Variants in PARD3B observed in about 807,000 individuals in gnomAD.
PARD3B encodes the protein par-3 family cell polarity regulator beta, also known as partitioning defective 3 homolog B.
In PARD3B, 103 loss-of-function variants were observed where a neutral mutation model predicts 130.2. That is an observed-to-expected ratio of 0.79 (90% CI 0.67 to 0.93). PARD3B has a LOEUF of 0.93. Ranked by LOEUF, PARD3B falls within the 40% of genes least tolerant of loss-of-function variation. The pLI, the probability that PARD3B is intolerant of heterozygous loss-of-function variation, is 0.00. For synonymous variants in PARD3B, 583 were observed against 553.2 expected, an observed-to-expected ratio of 1.05 and a Z score of -0.76; for missense variants, 1,609 against 1,499.2, an observed-to-expected ratio of 1.07 and a Z score of -1.21.
intron 4 of PARD3B, among the ~76,000 whole-genome samples, chr2:205,065,842 C>T (rs1240328655): frequency 6.6e-6 from 1 of 152,126 alleles, no homozygotes; most frequent in Non-Finnish European, 1.5e-5. Flanking sequence ...ATGAACTTTG[C>T]AGCCTGCAGA....
At chr2:205,153,224 A>G (rs1454312887) in intron 10 of PARD3B, among the ~76,000 whole-genome samples, 2 of 152,190 alleles carry the variant, frequency 1.3e-5, no homozygotes, top group Non-Finnish European at 2.9e-5. Context: ...CAGTTAGGCT[A>G]CTTGGGGGTC....
chr2:204,917,621 G>A (rs1346830119), intron 2 of PARD3B, among the ~76,000 whole-genome samples: 1 of 152,070 alleles, frequency 6.6e-6, no homozygotes, highest in Non-Finnish European at 1.5e-5. Context: ...ATGTAAATTT[G>A]GGAGTTCCAT....
In PARD3B at chr2:205,592,428, C is replaced by T. The variant is rs909065322; in HGVS notation, c.3261-23028C>T. On this transcript the variant is annotated intron_variant, in intron 22 of 22. Transcript: ENST00000406610. This position sits in a 1 kb window ranked among gnomAD's most constrained non-coding sequence, Gnocchi z 4.5. Reference sequence around the variant, plus strand: ...TCTTTCCCACAACAGGAATCTCCAGCGAACATCCACTAATAAACTTTATAT... The same window carrying T: ...TCTTTCCCACAACAGGAATCTCCAGTGAACATCCACTAATAAACTTTATAT... 2.0e-5 allele frequency among the ~76,000 whole-genome samples: 3 copies of T among 152,120 alleles called. No homozygotes were observed. Among genetic ancestry groups the T allele is most frequent in the Admixed American group, 6.5e-5 (1 of 15,272 alleles).
chr2:204,746,766 G>A (rs1229154187), intron 2 of PARD3B, among the ~76,000 whole-genome samples: 1 of 152,176 alleles, frequency 6.6e-6, no homozygotes, highest in Admixed American at 6.5e-5. Context: ...TCTGTTGGCT[G>A]CATAAATGTC....
At chr2:205,546,372 G>A (rs2052380324) in intron 21 of PARD3B, among the ~76,000 whole-genome samples, 1 of 151,756 alleles carries the variant, frequency 6.6e-6, no homozygotes, top group Non-Finnish European at 1.5e-5. Flanking sequence ...AGTCAAGATT[G>A]TTTCTGTCAG....
chr2:205,519,296 T>G (rs1304523404), intron 21 of PARD3B, among the ~76,000 whole-genome samples: 1 of 152,226 alleles, frequency 6.6e-6, no homozygotes, highest in African/African-American at 2.4e-5. Context: ...TTTCTCTACT[T>G]TTGTCTGACT....
intron 1 of PARD3B, among the ~76,000 whole-genome samples, chr2:204,679,965 C>T (rs1454329297): frequency 1.3e-5 from 2 of 151,746 alleles, no homozygotes; most frequent in African/African-American, 4.8e-5. Context: ...AGATTTTTAC[C>T]TACATATGTA....
intron 3 of PARD3B, among the ~76,000 whole-genome samples, chr2:204,977,601 A>G (rs1692284727): frequency 6.6e-6 from 1 of 152,178 alleles, no homozygotes; most frequent in Middle Eastern, 3.4e-3. Context: ...CGAGGTCAGG[A>G]GATCGAGACC....
At chr2:204,747,310 A>G (rs866972176) in intron 2 of PARD3B, among the ~76,000 whole-genome samples, 2 of 152,174 alleles carry the variant, frequency 1.3e-5, no homozygotes, top group South Asian at 4.1e-4. Flanking sequence ...GAGCCAAATC[A>G]TGAGTGAACT....
intron 16 of PARD3B, among the ~76,000 whole-genome samples, chr2:205,296,183 A>G (rs899479073): frequency 6.6e-6 from 1 of 152,210 alleles, no homozygotes; most frequent in African/African-American, 2.4e-5. Context: ...CTTATCCTCA[A>G]TATGATAGCT....
At chr2:204,626,398 G>A (rs762105982) in intron 1 of PARD3B, among the ~76,000 whole-genome samples, 2 of 152,078 alleles carry the variant, frequency 1.3e-5, no homozygotes, top group Non-Finnish European at 2.9e-5. Context: ...AAGCAGTGTA[G>A]CTGCTTTCAC....
intron 22 of PARD3B, among the ~76,000 whole-genome samples, chr2:205,593,797 A>G (rs973236591): frequency 1.3e-5 from 2 of 152,350 alleles, no homozygotes; most frequent in Admixed American, 6.5e-5. Flanking sequence ...AATGCTGTCA[A>G]TAGGGATTGC....
rs577325702 is a variant in PARD3B, at chr2:204,547,461, C to G, written c.120+1342C>G. Among the ~76,000 whole-genome samples, 3 of 152,316 alleles carry G rather than the reference C, an allele frequency of 2.0e-5. No individual in the cohort carries two copies. The South Asian group carries it at 6.2e-4, about 32-fold the overall frequency. Reference sequence around the variant, plus strand: ...GTTTATAAAGCTGTGTGAAAATCAACTGCAATGTTATGTGTGTGTGTGCAC... The same window carrying G: ...GTTTATAAAGCTGTGTGAAAATCAAGTGCAATGTTATGTGTGTGTGTGCAC... On this transcript the variant is annotated intron_variant, in intron 1 of 22. Coordinates refer to ENST00000406610, the MANE Select transcript of PARD3B (RefSeq NM_001302769.2).
intron 16 of PARD3B, among the ~76,000 whole-genome samples, chr2:205,285,995 C>T (rs1458900730): frequency 1.3e-5 from 2 of 152,108 alleles, no homozygotes; most frequent in African/African-American, 4.8e-5. Flanking sequence ...TTTGTACATA[C>T]ATAATTTCAT....
intron 2 of PARD3B, among the ~76,000 whole-genome samples, chr2:204,923,201 G>A (rs2047751323): frequency 6.6e-6 from 1 of 151,966 alleles, no homozygotes; most frequent in Non-Finnish European, 1.5e-5. Flanking sequence ...TTATCCAGTA[G>A]CCAGTTAAGT....
chr2:205,008,025 A>AT (rs1013043425), intron 3 of PARD3B, among the ~76,000 whole-genome samples: 26 of 151,906 alleles, frequency 1.7e-4, no homozygotes, highest in Admixed American at 5.9e-4. Flanking sequence ...ATAGCACTTT[A>AT]TTTTTTTTGA....
rs369766633 is a variant in PARD3B, at chr2:205,473,684, G to GTATA, written c.3045-26189_3045-26186dup. On this transcript the variant is annotated intron_variant, in intron 20 of 22. Transcript: ENST00000406610. This position sits in a 1 kb window ranked among gnomAD's most constrained non-coding sequence, Gnocchi z 4.9. ...TGTGTGTGTGTGTGTGTGTGTGTAT[G>GTATA]TATATATATATATATATATATATAT... Among the ~76,000 whole-genome samples the GTATA allele has an allele frequency of 7.4e-3, 853 of 114,586 alleles. 10 individuals carry two copies. The highest frequency in any genetic ancestry group is 0.013 in the South Asian group (46 of 3,580). The allele number at this position is 114,586 out of a possible 152,430, so 75.2% of individuals were successfully genotyped here. A position where few individuals can be genotyped will look rare whatever the true frequency, so the allele number is the denominator to read the frequency against.
intron 2 of PARD3B, among the ~76,000 whole-genome samples, chr2:204,873,132 G>GA (rs2045694009): frequency 6.6e-6 from 1 of 152,312 alleles, no homozygotes; most frequent in East Asian, 1.9e-4. Context: ...TGTTACATGT[G>GA]AAAGACCTGA....
intron 18 of PARD3B, among the ~76,000 whole-genome samples, chr2:205,336,552 T>C (rs2043320632): frequency 6.6e-6 from 1 of 152,226 alleles, no homozygotes; most frequent in African/African-American, 2.4e-5. Flanking sequence ...CTGCAAGAGA[T>C]GGTCAGATCT....
Sources: allele counts gnomAD v4.1 joint callset (sites outside exome capture counted in the v4.1 genomes callset), GRCh38; gene constraint gnomAD v4.1.1; non-coding constraint Gnocchi (gnomAD v3.1); transcripts MANE v1.5; gene names NCBI Gene and HGNC (gene_info 2026-07-23, HGNC 2026-07-21).